The following DPP10 variants were observed in gnomAD, a reference collection of about 807,000 sequenced individuals.
DPP10 encodes the protein inactive dipeptidyl peptidase 10.
In DPP10, 33 loss-of-function variants were observed where a neutral mutation model predicts 120.9. That is an observed-to-expected ratio of 0.27 (90% confidence interval 0.21 to 0.37). The LOEUF (loss-of-function observed/expected upper bound fraction) is 0.37. Among genes scored for constraint, DPP10 ranks in the 10% least tolerant of loss-of-function variants. The probability of loss-of-function intolerance (pLI) is 1.00; values close to 1 mark genes in which losing one functional copy is unlikely to be tolerated. For synonymous variants in DPP10, 337 were observed against 326.1 expected (o/e 1.03, Z -0.36); for missense variants, 816 against 942.8 (o/e 0.87, Z 1.76).
chr2:115,807,039 G>C (rs1686062832), intron 19 of DPP10, among the ~76,000 whole-genome samples: 1 of 152,128 alleles, frequency 6.6e-6, no homozygotes, highest in African/African-American at 2.4e-5. Context: ...CCCTTTCTAA[G>C]TGCAAGAGAA....
At chr2:114,446,573 A>G (rs535293373) in intron 1 of DPP10, among the ~76,000 whole-genome samples, 21 of 152,046 alleles carry the variant, frequency 1.4e-4, no homozygotes, top group Non-Finnish European at 2.8e-4. Flanking sequence ...CTGCCTTCAC[A>G]CCCAGGTTTT....
chr2:115,595,061 A>G (rs1290789606), intron 5 of DPP10, among the ~76,000 whole-genome samples: 1 of 152,164 alleles, frequency 6.6e-6, no homozygotes, highest in Non-Finnish European at 1.5e-5. Context: ...AATGAGGTCA[A>G]AAAGACAGAA....
chr2:115,280,446 A>G (rs2060112779), intron 1 of DPP10, among the ~76,000 whole-genome samples: 1 of 152,346 alleles, frequency 6.6e-6, no homozygotes, highest in South Asian at 2.1e-4. Context: ...GACATAGTCT[A>G]TAAACAATAA....
At chr2:115,066,451 G>A (rs1471394061) in intron 1 of DPP10, among the ~76,000 whole-genome samples, 4 of 152,154 alleles carry the variant, frequency 2.6e-5, no homozygotes, top group Non-Finnish European at 5.9e-5. Flanking sequence ...TATAAAATTA[G>A]AGCATGCCTC....
At chr2:115,504,343 C>T (rs902600208) in intron 4 of DPP10, among the ~76,000 whole-genome samples, 15 of 147,628 alleles carry the variant, frequency 1.0e-4, no homozygotes, top group African/African-American at 3.5e-4. Context: ...AAACTGATGG[C>T]TACTGGGGAC....
At chr2:115,482,700 A>G (rs1162505756) in intron 3 of DPP10, among the ~76,000 whole-genome samples, 1 of 152,024 alleles carries the variant, frequency 6.6e-6, no homozygotes, top group Non-Finnish European at 1.5e-5. Context: ...TGTACCATGT[A>G]TCATTCCTTC....
At chr2:115,162,105 C>T (rs969816532) in intron 1 of DPP10, 29 of 1,508,812 alleles carry the variant, frequency 1.9e-5, no homozygotes, top group Non-Finnish European at 2.4e-5. Context: ...TCCCGCTTCC[C>T]AGGCTGGGCT....
intron 8 of DPP10, among the ~76,000 whole-genome samples, chr2:115,735,137 T>G (rs2093005812): frequency 6.6e-6 from 1 of 152,100 alleles, no homozygotes; most frequent in African/African-American, 2.4e-5. Context: ...TTCGCCAGGG[T>G]TTCATAGTGG....
intron 5 of DPP10, among the ~76,000 whole-genome samples, chr2:115,552,964 A>G (rs565123266): frequency 6.6e-6 from 1 of 152,198 alleles, no homozygotes; most frequent in South Asian, 2.1e-4. Context: ...TAAGTTTGAA[A>G]CTAGGTTTAT....
intron 8 of DPP10, among the ~76,000 whole-genome samples, chr2:115,735,085 A>G (rs1385358249): frequency 1.3e-5 from 2 of 152,214 alleles, no homozygotes; most frequent in African/African-American, 4.8e-5. Flanking sequence ...CATGGGAGAT[A>G]AGAAAATAAA....
At chr2:114,673,488 C>T (rs1229101359) in intron 1 of DPP10, among the ~76,000 whole-genome samples, 1 of 151,732 alleles carries the variant, frequency 6.6e-6, no homozygotes, top group African/African-American at 2.4e-5. Flanking sequence ...CTTGCTCTGT[C>T]ACCTAGGCTA....
At chr2:114,822,918 C>T (rs1027600812) in intron 1 of DPP10, among the ~76,000 whole-genome samples, 3 of 152,172 alleles carry the variant, frequency 2.0e-5, no homozygotes, top group African/African-American at 7.2e-5. Context: ...TCTCTGTCAG[C>T]ATTTTGGCCA....
At chr2:114,472,354 G>T (rs573274068) in intron 1 of DPP10, among the ~76,000 whole-genome samples, 4 of 152,140 alleles carry the variant, frequency 2.6e-5, no homozygotes, top group Non-Finnish European at 5.9e-5. Context: ...GATGGTAAAA[G>T]ATTTATTTCA....
chr2:114,947,887 T>C (rs993933593), intron 1 of DPP10, among the ~76,000 whole-genome samples: 1 of 152,100 alleles, frequency 6.6e-6, no homozygotes, highest in East Asian at 1.9e-4. Context: ...TGTTATTGAA[T>C]GTAATTTGAT....
At chr2:114,483,759 C>G (rs1461585212) in intron 1 of DPP10, among the ~76,000 whole-genome samples, 1 of 152,108 alleles carries the variant, frequency 6.6e-6, no homozygotes, top group Non-Finnish European at 1.5e-5. Flanking sequence ...TCGCTCAGGC[C>G]TTGTTAACCA....
intron 1 of DPP10, among the ~76,000 whole-genome samples, chr2:114,524,729 G>A (rs1558843462): frequency 6.6e-6 from 1 of 152,182 alleles, no homozygotes; most frequent in Non-Finnish European, 1.5e-5. Context: ...GACTGTCCAG[G>A]CATGCTAAGA....
At chr2:114,615,638 C>T (rs1016958083) in intron 1 of DPP10, among the ~76,000 whole-genome samples, 1 of 152,144 alleles carries the variant, frequency 6.6e-6, no homozygotes, top group Admixed American at 6.6e-5. Context: ...CTATTCCCTA[C>T]TCTATGTTTG....
chr2:115,690,736 T>A (rs62155262), intron 7 of DPP10, among the ~76,000 whole-genome samples: 11,767 of 152,224 alleles, frequency 0.077, 643 homozygotes, highest in Non-Finnish European at 0.11. Flanking sequence ...TTCTTGTACA[T>A]ATCTCATGGT....
intron 8 of DPP10, 25 bp from the exon 9 acceptor site, chr2:115,739,714 C>T: frequency 1.2e-6 from 2 of 1,609,570 alleles, no homozygotes; most frequent in Non-Finnish European, 1.7e-6. Flanking sequence ...TACAGTTGGT[C>T]TCAAATAACA....
Sources: allele counts gnomAD v4.1 joint callset (sites outside exome capture counted in the v4.1 genomes callset), GRCh38; gene constraint gnomAD v4.1.1; transcripts MANE v1.5; gene names NCBI Gene and HGNC (gene_info 2026-07-23, HGNC 2026-07-21).